ANKRD6: variants seen among roughly 807,000 people sequenced by gnomAD.
The protein encoded by ANKRD6 is ankyrin repeat domain 6, also known as ankyrin repeat domain-containing protein 6.
ANKRD6 carries 56 observed loss-of-function variants against 82.3 expected under a neutral mutation model. The ratio of observed to expected loss-of-function variants is 0.68; its 90% CI spans 0.55 to 0.85. The LOEUF is 0.85. Ranked by LOEUF, ANKRD6 falls within the 40% of genes least tolerant of loss-of-function variation. The pLI is 0.00. For missense variants in ANKRD6, 852 were observed against 907.6 expected (o/e 0.94, Z 0.79); for synonymous variants, 347 against 352.1 (o/e 0.99, Z 0.16).
In ANKRD6 at chr6:89,465,639, T is replaced by C. The variant is rs574955530; in HGVS notation, c.-144+32264T>C. Among the ~76,000 whole-genome samples, 8 of 152,036 alleles carry C rather than the reference T, an allele frequency of 5.3e-5. No homozygotes were observed. In the South Asian group the frequency reaches 1.5e-3, roughly 28 times the overall value. On this transcript the variant is annotated intron_variant, in intron 1 of 15. Coordinates refer to ENST00000339746, the MANE Select transcript of ANKRD6 (RefSeq NM_001242809.2). ...GCTTTGGGAGGTCAAGGTGGGAGGA[T>C]TGCTTGAAGCCAAGAATCCAAGACC...
intron 5 of ANKRD6, among the ~76,000 whole-genome samples, chr6:89,608,525 TCCAGAC>T (rs1799408978): frequency 6.6e-6 from 1 of 151,494 alleles, no homozygotes; most frequent in African/African-American, 2.4e-5. Context: ...AAGTGACTTC[TCCAGAC>T]CTTGCATGCT....
chr6:89,523,512 A>T (rs572662351), intron 1 of ANKRD6, among the ~76,000 whole-genome samples: 26 of 152,192 alleles, frequency 1.7e-4, no homozygotes, highest in South Asian at 8.3e-4. Context: ...GCAGTTCTTT[A>T]TGTGTTTATC....
intron 1 of ANKRD6, among the ~76,000 whole-genome samples, chr6:89,557,517 A>G (rs1786772925): frequency 6.6e-6 from 1 of 152,188 alleles, no homozygotes; most frequent in South Asian, 2.1e-4. Context: ...CAGAGAAATC[A>G]TGTAAAGGAA....
In ANKRD6 at chr6:89,482,027, A is replaced by G. The variant is rs562959060; in HGVS notation, c.-144+48652A>G. Among the ~76,000 whole-genome samples, 3 of 152,302 alleles carry G rather than the reference A, an allele frequency of 2.0e-5. No homozygotes were observed. The East Asian group carries it at 5.8e-4, about 29-fold the overall frequency. On this transcript the variant is annotated intron_variant, in intron 1 of 15. Transcript: ENST00000339746. ...AAGATTTTTACCATTGCCCCTCATA[A>G]GGTGGAAATAGCTGGTGTCCATCCA... is the stretch of plus-strand genomic sequence containing the variant.
chr6:89,562,311 C>A (rs140537863), intron 1 of ANKRD6: 3 of 152,242 alleles, frequency 2.0e-5, no homozygotes, highest in African/African-American at 7.2e-5. Flanking sequence ...CCTGTGCTGC[C>A]GCAGTCACTG....
chr6:89,537,358 C>T (rs567529506), intron 1 of ANKRD6, among the ~76,000 whole-genome samples: 4 of 152,050 alleles, frequency 2.6e-5, no homozygotes, highest in African/African-American at 7.2e-5. Context: ...GCAGGAACCC[C>T]ACCCACACAC....
chr6:89,574,825 G>A (rs1371550897), intron 2 of ANKRD6, among the ~76,000 whole-genome samples: 4 of 152,174 alleles, frequency 2.6e-5, no homozygotes, highest in African/African-American at 4.8e-5. Context: ...AAGGAGGAAA[G>A]TTCCCCTTGG....
rs76854954 is a variant in ANKRD6 at position 89,528,664 on chromosome 6, C to G, written c.-143-38170C>G. 4.2e-4 allele frequency among the ~76,000 whole-genome samples: 64 copies of G among 152,358 alleles called. 1 individual carries two copies. The East Asian group carries it at 0.011, about 27-fold the overall frequency. ...GCCTTTCCGGAAGGTTTTCCATTTA[C>G]TTTCCCCAGATCCATCAGAGCAGTC... On this transcript the variant is annotated intron_variant, in intron 1 of 15. Coordinates refer to ENST00000339746, the MANE Select transcript of ANKRD6 (RefSeq NM_001242809.2).
At chr6:89,589,731 A>G (rs1410262553) in intron 2 of ANKRD6, among the ~76,000 whole-genome samples, 1 of 152,254 alleles carries the variant, frequency 6.6e-6, no homozygotes, top group Admixed American at 6.5e-5. Context: ...TTAGATCCAC[A>G]GGGCTCAGCC....
intron 1 of ANKRD6, among the ~76,000 whole-genome samples, chr6:89,490,511 A>G (rs1247012243): frequency 6.6e-6 from 1 of 152,240 alleles, no homozygotes; most frequent in Non-Finnish European, 1.5e-5. Flanking sequence ...GGGGGATACA[A>G]AGATGAGTGA....
At chr6:89,522,114 C>G (rs550161169) in intron 1 of ANKRD6, among the ~76,000 whole-genome samples, 1 of 152,146 alleles carries the variant, frequency 6.6e-6, no homozygotes, top group East Asian at 1.9e-4. Context: ...TTTCAGTGTG[C>G]GCATTATGGT....
At chr6:89,462,266 TAATA>T (rs1173837875) in intron 1 of ANKRD6, among the ~76,000 whole-genome samples, 1 of 148,544 alleles carries the variant, frequency 6.7e-6, no homozygotes, top group African/African-American at 2.5e-5. Context: ...ATAATAATAA[TAATA>T]AATACATAAA....
chr6:89,595,093 G>A (rs1224068386), intron 2 of ANKRD6, among the ~76,000 whole-genome samples: 1 of 152,144 alleles, frequency 6.6e-6, no homozygotes, highest in Non-Finnish European at 1.5e-5. Flanking sequence ...GCCAGTCATG[G>A]TGGCTCATGC....
At chr6:89,460,634 C>G (rs567083234) in intron 1 of ANKRD6, among the ~76,000 whole-genome samples, 4 of 152,076 alleles carry the variant, frequency 2.6e-5, no homozygotes, top group African/African-American at 9.6e-5. Context: ...CGGGGTTTCA[C>G]CATGTTGGCC....
rs558694145 is a variant in ANKRD6, at chr6:89,560,384, G to A, written c.-143-6450G>A. Among the ~76,000 whole-genome samples, 12 of 152,272 alleles carry A rather than the reference G, an allele frequency of 7.9e-5. No individual in the cohort carries two copies. The South Asian group carries it at 1.5e-3, about 18-fold the overall frequency. On this transcript the variant is annotated intron_variant, in intron 1 of 15. Transcript: ENST00000339746. ...AGAGTACGTGTGCAAGCATGAGTGCGCTAATTCTATCAGATCAGGGCTCCA... is the reference window on the plus strand; with the variant it reads ...AGAGTACGTGTGCAAGCATGAGTGCACTAATTCTATCAGATCAGGGCTCCA...
At chr6:89,587,092 A>G (rs4593337) in intron 2 of ANKRD6, among the ~76,000 whole-genome samples, 131,946 of 151,460 alleles carry the variant, frequency 0.87, 57,538 homozygotes, top group East Asian at 0.95. Flanking sequence ...TTGGGAGGCT[A>G]AGGCAGGAGA....
At chr6:89,547,511 C>G (rs1323375296) in intron 1 of ANKRD6, among the ~76,000 whole-genome samples, 6 of 152,142 alleles carry the variant, frequency 3.9e-5, no homozygotes, top group Admixed American at 2.6e-4. Flanking sequence ...GGCAGCCTGC[C>G]CTGCTCAGCT....
At chr6:89,553,190 T>G (rs1467752274) in intron 1 of ANKRD6, among the ~76,000 whole-genome samples, 1 of 152,178 alleles carries the variant, frequency 6.6e-6, no homozygotes, top group African/African-American at 2.4e-5. Flanking sequence ...AAGAAATGCC[T>G]CAGTGGCAGA....
chr6:89,516,145 G>C (rs1242087450), intron 1 of ANKRD6, among the ~76,000 whole-genome samples: 2 of 152,166 alleles, frequency 1.3e-5, no homozygotes, highest in Admixed American at 6.5e-5. Context: ...TTATTCCTGG[G>C]TGTGTCTGTG....
Sources: allele counts gnomAD v4.1 joint callset (sites outside exome capture counted in the v4.1 genomes callset), GRCh38; gene constraint gnomAD v4.1.1; transcripts MANE v1.5; gene names NCBI Gene and HGNC (gene_info 2026-07-23, HGNC 2026-07-21).